Variants in CAMK4 observed in about 807,000 individuals in gnomAD.
The protein encoded by CAMK4 is calcium/calmodulin dependent protein kinase IV, also known as calcium/calmodulin-dependent protein kinase type IV.
In CAMK4, 22 loss-of-function variants were observed where a neutral mutation model predicts 44.9. That is an observed-to-expected ratio of 0.49 (90% CI 0.35 to 0.70). CAMK4 has a LOEUF of 0.70. CAMK4 is among the 30% of genes least tolerant of loss of function. The probability of loss-of-function intolerance (pLI) is 0.01; values close to 1 mark genes in which losing one functional copy is unlikely to be tolerated. For synonymous variants in CAMK4, 218 were observed against 215.4 expected (o/e 1.01, Z -0.11); for missense variants, 498 against 586.8 (o/e 0.85, Z 1.56).
intron 10 of CAMK4, among the ~76,000 whole-genome samples, chr5:111,483,418 C>T (rs1323931432): frequency 6.6e-6 from 1 of 151,924 alleles, no homozygotes; most frequent in Admixed American, 6.6e-5. Context: ...TAGTACCTAT[C>T]GAATAGAGAT....
At chr5:111,309,945 C>T (rs1748128067) in intron 1 of CAMK4, among the ~76,000 whole-genome samples, 1 of 152,160 alleles carries the variant, frequency 6.6e-6, no homozygotes, top group Admixed American at 6.5e-5. Context: ...CTATCTCACA[C>T]ATGCTTCAGA....
intron 1 of CAMK4, among the ~76,000 whole-genome samples, chr5:111,311,059 G>A (rs554371795): frequency 4.4e-4 from 67 of 152,180 alleles, no homozygotes; most frequent in Middle Eastern, 3.4e-3. Flanking sequence ...CAGAGAGAAT[G>A]GTATTAAAGA....
Position 111,409,308 on chromosome 5 carries a change from G to A in CAMK4, c.459+14526G>A, listed in dbSNP as rs146334875. Among the ~76,000 whole-genome samples the A allele has an allele frequency of 6.3e-3, 954 of 152,332 alleles. 5 individuals carry two copies. The highest frequency in any genetic ancestry group is 0.021 in the African/African-American group (884 of 41,576). On this transcript the variant is annotated intron_variant, in intron 5 of 10. Transcript: ENST00000282356. ...GCACCCACAGGCTCAACACCATGTG[G>A]AAGCCACCAAGGCTTGGGGCTTGCA... is the stretch of plus-strand genomic sequence containing the variant.
intron 5 of CAMK4, among the ~76,000 whole-genome samples, chr5:111,410,275 A>G (rs370179999): frequency 4.9e-4 from 74 of 152,178 alleles, no homozygotes; most frequent in Non-Finnish European, 4.6e-4. Context: ...AGCAAGACAT[A>G]TCTCACATGG....
chr5:111,381,330 C>A (rs1039884835), intron 4 of CAMK4, among the ~76,000 whole-genome samples: 1 of 152,094 alleles, frequency 6.6e-6, no homozygotes, highest in Non-Finnish European at 1.5e-5. Context: ...AGCTGAGGAG[C>A]CAGGAAGCCA....
chr5:111,468,069 G>A (rs1754911206), intron 7 of CAMK4, among the ~76,000 whole-genome samples: 1 of 152,054 alleles, frequency 6.6e-6, no homozygotes. Context: ...AGTAACTCAG[G>A]AATGGAAAAC....
At chr5:111,378,475 C>A (rs925206341) in intron 4 of CAMK4, among the ~76,000 whole-genome samples, 3 of 152,076 alleles carry the variant, frequency 2.0e-5, no homozygotes, top group African/African-American at 7.2e-5. Flanking sequence ...TTTAACATTA[C>A]CCAGTGAAAA....
rs1467647797 is a variant in CAMK4, at chr5:111,482,814, G to T, written c.858G>T (p.Lys286Asn). Residue 286 changes from lysine (K) to asparagine (N), a missense_variant, in exon 10 of 11, where the codon AAG becomes AAT. This residue lies in a region of CAMK4 where 203 missense variants were observed against 298.2 expected (regional missense o/e 0.68). Transcript: ENST00000282356. The surrounding 1 kb of genome is among the most constrained non-coding windows in gnomAD (Gnocchi z 4.9). ...GAAAATTAATTGTTTTGGATCCAAA[G>T]AAACGGCTGACTACATTTCAAGCTC... ...LVRKLIVLDP[K>N]KRLTTFQALQ... The T allele has an allele frequency of 6.2e-7, 1 of 1,609,098 alleles. No individual in the cohort carries two copies. The highest frequency in any genetic ancestry group is 1.1e-5 in the South Asian group (1 of 89,718).
Position 111,469,144 on chromosome 5 carries a change from C to CA in CAMK4, c.626-4138dup, listed in dbSNP as rs1176120789. On this transcript the variant is annotated intron_variant, in intron 7 of 10. Coordinates refer to ENST00000282356, the MANE Select transcript of CAMK4 (RefSeq NM_001744.6). The stretch of plus-strand genomic sequence containing the variant: ...GGGCAACAAGAGTGAAACTCCATCT[C>CA]AAAAAAAAAAAAAAAAAAAAAAAAA... Among the ~76,000 whole-genome samples, 24 of 67,476 alleles carry CA rather than the reference C, an allele frequency of 3.6e-4. 1 individual carries two copies. Among genetic ancestry groups the CA allele is most frequent in the East Asian group, 1.5e-3 (2 of 1,334 alleles). The allele number at this position is 67,476 out of a possible 152,430, so 44.3% of individuals were successfully genotyped here.
intron 4 of CAMK4, among the ~76,000 whole-genome samples, chr5:111,378,370 C>A (rs776438053): frequency 6.6e-6 from 1 of 152,094 alleles, no homozygotes; most frequent in Non-Finnish European, 1.5e-5. Context: ...GACTAAGACA[C>A]CTTCCTTCAC....
intron 9 of CAMK4, among the ~76,000 whole-genome samples, chr5:111,479,302 A>G (rs935696751): frequency 6.6e-6 from 1 of 152,208 alleles, no homozygotes; most frequent in Admixed American, 6.5e-5. Flanking sequence ...CACTGTGTTA[A>G]TAGTTCATTT....
intron 1 of CAMK4, among the ~76,000 whole-genome samples, chr5:111,299,526 G>A (rs1204047048): frequency 6.6e-6 from 1 of 152,028 alleles, no homozygotes; most frequent in Non-Finnish European, 1.5e-5. Flanking sequence ...AGAAGGCAAA[G>A]CATCTCATTA....
intron 2 of CAMK4, among the ~76,000 whole-genome samples, chr5:111,357,297 A>G (rs1045674294): frequency 9.9e-5 from 15 of 152,042 alleles, no homozygotes; most frequent in African/African-American, 3.6e-4. Context: ...GGGCACTAGG[A>G]AAGTTGAGAG....
chr5:111,262,117 T>C (rs944913330), intron 1 of CAMK4, among the ~76,000 whole-genome samples: 2 of 151,704 alleles, frequency 1.3e-5, no homozygotes, highest in African/African-American at 4.9e-5. Context: ...GAGACACAGT[T>C]TAAGGTCCTC....
rs1337972763 is a variant in CAMK4, at chr5:111,489,838, T to G, written c.*5372T>G. On this transcript the variant is annotated 3_prime_UTR_variant, in exon 11 of 11. Transcript: ENST00000282356. ...GGGTTACTCTTTTCTTGTCTTGGTTTGCTATGCCTTATCCCAGATCAGTGT... is the reference window on the plus strand; with the variant it reads ...GGGTTACTCTTTTCTTGTCTTGGTTGGCTATGCCTTATCCCAGATCAGTGT... 3.9e-5 allele frequency: 6 copies of G among 152,244 alleles called. No individual in the cohort carries two copies. The highest frequency in any genetic ancestry group is 1.2e-4 in the African/African-American group (5 of 41,470). The allele number at this position is 152,244 out of a possible 1,614,324, so 9.4% of individuals were successfully genotyped here.
chr5:111,374,179 T>TAA (rs1751120860), intron 2 of CAMK4, among the ~76,000 whole-genome samples: 1 of 152,182 alleles, frequency 6.6e-6, no homozygotes, highest in Non-Finnish European at 1.5e-5. Flanking sequence ...TTAACAGTCC[T>TAA]CTTCATAACT....
chr5:111,376,279 G>C (rs995586397), intron 3 of CAMK4, among the ~76,000 whole-genome samples: 6 of 151,612 alleles, frequency 4.0e-5, no homozygotes, highest in African/African-American at 1.5e-4. Flanking sequence ...ATATAAAACT[G>C]CTTGGATTAG....
chr5:111,256,559 C>G (rs549025640), intron 1 of CAMK4, among the ~76,000 whole-genome samples: 2 of 152,156 alleles, frequency 1.3e-5, no homozygotes, highest in South Asian at 4.2e-4. Flanking sequence ...AGAATTATTT[C>G]AAAATATTTT....
intron 1 of CAMK4, among the ~76,000 whole-genome samples, chr5:111,326,460 C>T (rs1748892281): frequency 6.6e-6 from 1 of 151,804 alleles, no homozygotes; most frequent in Non-Finnish European, 1.5e-5. Flanking sequence ...TAAAAGTCTT[C>T]CTCAAAAGAA....
Sources: allele counts gnomAD v4.1 joint callset (sites outside exome capture counted in the v4.1 genomes callset), GRCh38; gene constraint gnomAD v4.1.1; regional missense constraint gnomAD v4.1.1; non-coding constraint Gnocchi (gnomAD v3.1); transcripts MANE v1.5; gene names NCBI Gene and HGNC (gene_info 2026-07-23, HGNC 2026-07-21).